The following C1GALT1 variants were observed in gnomAD, a reference collection of about 807,000 sequenced individuals.
The protein encoded by C1GALT1 is core 1 synthase, glycoprotein-N-acetylgalactosamine 3-beta-galactosyltransferase 1, also known as glycoprotein-N-acetylgalactosamine 3-beta-galactosyltransferase 1.
A neutral mutation model predicts 31.0 loss-of-function variants in C1GALT1; 11 were observed. That is an observed-to-expected ratio of 0.36 (90% CI 0.22 to 0.59). C1GALT1 has a LOEUF of 0.59. Ranked by LOEUF, C1GALT1 falls within the 20% of genes least tolerant of loss-of-function variation. The pLI is 0.79. For synonymous variants in C1GALT1, 175 were observed against 143.6 expected, an observed-to-expected ratio of 1.22 and a Z score of -1.56; for missense variants, 424 against 425.2, an observed-to-expected ratio of 1.00 and a Z score of 0.03.
At chr7:7,166,268 TTGAA>T (rs1488761126) in intron 2 of C1GALT1, among the ~76,000 whole-genome samples, 1 of 152,182 alleles carries the variant, frequency 6.6e-6, no homozygotes, top group Admixed American at 6.5e-5. Context: ...CCTTCAGTAT[TTGAA>T]TGAATACAAA....
At chr7:7,179,625 A>G (rs1400478792), upstream of C1GALT1, among the ~76,000 whole-genome samples, 1 of 152,206 alleles carries the variant, frequency 6.6e-6, no homozygotes, top group Non-Finnish European at 1.5e-5. Flanking sequence ...TAAGAATTGC[A>G]TTTGATACTT....
At chr7:7,210,133 G>A (rs1410382607) in intron 1 of C1GALT1, among the ~76,000 whole-genome samples, 1 of 152,142 alleles carries the variant, frequency 6.6e-6, no homozygotes, top group Non-Finnish European at 1.5e-5. Context: ...GGCTTAGCTT[G>A]GGCTCAGAGG....
intron 2 of C1GALT1, 44 bp downstream of exon 2, chr7:7,234,583 G>A (rs778305710): frequency 7.5e-6 from 11 of 1,462,626 alleles, no homozygotes; most frequent in Admixed American, 1.8e-5. Context: ...CAGTATTTTA[G>A]TCTAAATTTT....
At chr7:7,231,673 T>C (rs921533303) in intron 1 of C1GALT1, among the ~76,000 whole-genome samples, 6 of 152,198 alleles carry the variant, frequency 3.9e-5, no homozygotes, top group African/African-American at 1.2e-4. Flanking sequence ...GAAAATCTTA[T>C]TTGAGTCTTT....
chr7:7,183,913 G>A (rs73674679), intron 1 of C1GALT1, among the ~76,000 whole-genome samples: 27,240 of 152,134 alleles, frequency 0.18, 2,967 homozygotes, highest in East Asian at 0.36. Flanking sequence ...TGGCCGATGT[G>A]TAAGGGAGAG....
chr7:7,178,296 T>A (rs1039309577), upstream of C1GALT1: 1 of 230,732 alleles, frequency 4.3e-6, no homozygotes, highest in African/African-American at 2.3e-5. Context: ...GAGGCATCTG[T>A]AGCTAAACAT....
At chr7:7,207,286 G>C (rs889046056) in intron 1 of C1GALT1, among the ~76,000 whole-genome samples, 2 of 124,232 alleles carry the variant, frequency 1.6e-5, no homozygotes, top group Non-Finnish European at 3.6e-5. Flanking sequence ...CAGAATTTTT[G>C]TGTGTATCCT....
chr7:7,193,822 T>A (rs1044409327), intron 1 of C1GALT1, among the ~76,000 whole-genome samples: 2 of 152,220 alleles, frequency 1.3e-5, no homozygotes, highest in African/African-American at 4.8e-5. Flanking sequence ...GGAATGTGTT[T>A]CCATTTGTTT....
At chr7:7,173,579 T>G (rs770910390) in intron 2 of C1GALT1, among the ~76,000 whole-genome samples, 4 of 152,218 alleles carry the variant, frequency 2.6e-5, no homozygotes, top group Non-Finnish European at 5.9e-5. Flanking sequence ...ATTTACCTTG[T>G]ATTAGTCTGT....
rs1465992492 is a variant in C1GALT1 at position 7,246,894 on chromosome 7, T to C, written c.*3167T>C. 6.6e-6 allele frequency: 1 copy of C among 152,152 alleles called. No homozygotes were observed. Among genetic ancestry groups the C allele is most frequent in the Non-Finnish European group, 1.5e-5 (1 of 68,020 alleles). The allele number at this position is 152,152 out of a possible 1,614,324, so 9.4% of individuals were successfully genotyped here. ...CACTATATTAAATATAAAGATAACT[T>C]AAAGGATCATTGGATCATTCATTTT... On this transcript the variant is annotated 3_prime_UTR_variant, in exon 4 of 4. Coordinates refer to ENST00000436587, the MANE Select transcript of C1GALT1 (RefSeq NM_020156.5).
chr7:7,175,807 C>CT (rs918751564), intron 2 of C1GALT1, among the ~76,000 whole-genome samples: 61 of 148,976 alleles, frequency 4.1e-4, no homozygotes, highest in Middle Eastern at 3.5e-3. Context: ...CTGCTGAGGG[C>CT]TTTTTTTTTT....
In C1GALT1 at chr7:7,204,099, T is replaced by TA. The variant is rs200183115; in HGVS notation, c.-18+21279_-18+21280insA. 5.3e-4 allele frequency among the ~76,000 whole-genome samples: 78 copies of TA among 146,546 alleles called. 2 individuals carry two copies. In the East Asian group the frequency reaches 0.015, roughly 29 times the overall value. ...CAGGAAGTGTTCCCTCCTCTTCTGT[T>TA]TTTTTTTTTTTGTTTTTTTGTTTTT... On this transcript the variant is annotated intron_variant, in intron 1 of 3. Transcript: ENST00000436587.
At chr7:7,227,681 C>G (rs1328651161) in intron 1 of C1GALT1, among the ~76,000 whole-genome samples, 6 of 148,396 alleles carry the variant, frequency 4.0e-5, no homozygotes, top group Admixed American at 2.7e-4. Context: ...GATCCCGCCA[C>G]TGCACTCCAG....
chr7:7,221,510 C>T (rs972903719), intron 1 of C1GALT1, among the ~76,000 whole-genome samples: 3 of 152,122 alleles, frequency 2.0e-5, no homozygotes, highest in Admixed American at 6.5e-5. Context: ...AGAGCCATTC[C>T]TTAAAATGTC....
upstream of C1GALT1, among the ~76,000 whole-genome samples, chr7:7,179,260 T>C (rs1033670186): frequency 3.3e-5 from 5 of 152,314 alleles, no homozygotes; most frequent in Middle Eastern, 3.4e-3. Flanking sequence ...TTCCACTACA[T>C]TCTATTCATG....
chr7:7,199,698 G>T (rs1167576660), intron 1 of C1GALT1, among the ~76,000 whole-genome samples: 1 of 152,144 alleles, frequency 6.6e-6, no homozygotes, highest in Non-Finnish European at 1.5e-5. Flanking sequence ...GGTCTCTAAG[G>T]ACTTGCTTTG....
chr7:7,194,318 G>A (rs1462154757), intron 1 of C1GALT1, among the ~76,000 whole-genome samples: 4 of 152,074 alleles, frequency 2.6e-5, no homozygotes, highest in Non-Finnish European at 5.9e-5. Flanking sequence ...GTTTGTCATA[G>A]ATGGCTTTTA....
At chr7:7,197,920 A>G (rs1781369169) in intron 1 of C1GALT1, among the ~76,000 whole-genome samples, 1 of 152,194 alleles carries the variant, frequency 6.6e-6, no homozygotes, top group African/African-American at 2.4e-5. Flanking sequence ...GTTGCTTATC[A>G]GCTTGAGATA....
At chr7:7,232,808 C>T (rs990009802) in intron 1 of C1GALT1, among the ~76,000 whole-genome samples, 1 of 152,122 alleles carries the variant, frequency 6.6e-6, no homozygotes, top group African/African-American at 2.4e-5. Context: ...GCTTTTTAAG[C>T]ACACAGACCT....
Sources: gnomAD v4.1 joint callset for allele counts (sites outside exome capture counted in the v4.1 genomes callset) on GRCh38, gnomAD v4.1.1 for gene constraint, MANE v1.5 for transcripts, NCBI Gene and HGNC (gene_info 2026-07-23, HGNC 2026-07-21) for gene names.